Variants in MAP4K3 observed in about 807,000 individuals in gnomAD.
MAP4K3 encodes the protein MAPK/ERK kinase kinase kinase 3.
In MAP4K3, 94 loss-of-function variants were observed where a neutral mutation model predicts 143.5. That is an observed-to-expected ratio of 0.65 (90% CI 0.55 to 0.78). The LOEUF is 0.78. Ranked by LOEUF, MAP4K3 falls within the 30% of genes least tolerant of loss-of-function variation. MAP4K3 has a pLI of 0.00. For missense variants in MAP4K3, 1,077 were observed against 1,068.1 expected, an observed-to-expected ratio of 1.01 and a Z score of -0.12; for synonymous variants, 416 against 347.2, an observed-to-expected ratio of 1.20 and a Z score of -2.20.
At position 39,250,339 on chromosome 2, in the gene MAP4K3, C is replaced by A; in HGVS notation, c.*279G>T. ...TAAAAGTACATTATCTACATAAATT[C>A]TTAGTGTATGTCTTCAGCAATATGA... is the stretch of plus-strand genomic sequence containing the variant. On this transcript the variant is annotated 3_prime_UTR_variant, in exon 34 of 34. Transcript: ENST00000263881. 1 of 313,384 alleles carries A rather than the reference C, an allele frequency of 3.2e-6. No individual in the cohort carries two copies. The highest frequency in any genetic ancestry group is 4.6e-5 in the Admixed American group (1 of 21,910). The allele number at this position is 313,384 out of a possible 1,614,324, so 19.4% of individuals were successfully genotyped here.
chr2:39,385,038 T>C (rs1262334574), intron 1 of MAP4K3, among the ~76,000 whole-genome samples: 1 of 152,246 alleles, frequency 6.6e-6, no homozygotes, highest in Non-Finnish European at 1.5e-5. Context: ...TTGTTGCATA[T>C]ATCATTAGTT....
At chr2:39,395,745 A>G (rs915902205) in intron 1 of MAP4K3, among the ~76,000 whole-genome samples, 1 of 152,224 alleles carries the variant, frequency 6.6e-6, no homozygotes, top group African/African-American at 2.4e-5. Context: ...TCAAAGAATC[A>G]GACACTCAAA....
At chr2:39,347,706 G>C (rs1247737424) in intron 3 of MAP4K3, among the ~76,000 whole-genome samples, 15 of 151,720 alleles carry the variant, frequency 9.9e-5, no homozygotes, top group Non-Finnish European at 1.5e-5. Context: ...AATTGCTCCT[G>C]GAACTCGGTG....
chr2:39,375,763 C>T (rs540992351), intron 2 of MAP4K3, among the ~76,000 whole-genome samples: 20 of 152,282 alleles, frequency 1.3e-4, no homozygotes, highest in Admixed American at 8.5e-4. Flanking sequence ...TAGTCCACCT[C>T]GTCCCCAGCT....
At position 39,280,348 on chromosome 2, in the gene MAP4K3, T is replaced by C. The variant is rs1682944209; in HGVS notation, c.1638A>G (p.Ala546=). ...ACCCATTAAAAACTTTTGAAAAACATGCACCCATCTAGGGAAACAAAGAAT... is the reference window on the plus strand; with the variant it reads ...ACCCATTAAAAACTTTTGAAAAACACGCACCCATCTAGGGAAACAAAGAAT... ...LPPTPKVHMG[A]CFSKVFNGCP... Residue 546 remains alanine, a synonymous_variant, in exon 23 of 34, where the codon GCA becomes GCG. Transcript: ENST00000263881. 1 of 1,600,306 alleles carries C rather than the reference T, an allele frequency of 6.2e-7. No individual in the cohort carries two copies. The highest frequency in any genetic ancestry group is 8.5e-7 in the Non-Finnish European group (1 of 1,170,774).
At chr2:39,371,810 T>C (rs1469537102) in intron 2 of MAP4K3, among the ~76,000 whole-genome samples, 3 of 150,096 alleles carry the variant, frequency 2.0e-5, no homozygotes, top group Non-Finnish European at 4.5e-5. Flanking sequence ...ATCCTCTCTC[T>C]CTATATATAT....
chr2:39,288,346 T>C, intron 19 of MAP4K3, 66 bp from the exon 20 acceptor site: 1 of 1,419,260 alleles, frequency 7.0e-7, no homozygotes, highest in Non-Finnish European at 9.8e-7. Context: ...GTAAGTACTA[T>C]TATACATTAA....
At chr2:39,346,028 T>A (rs1450940959) in intron 3 of MAP4K3, among the ~76,000 whole-genome samples, 1 of 147,594 alleles carries the variant, frequency 6.8e-6, no homozygotes, top group East Asian at 2.1e-4. Flanking sequence ...AATTGAAGCA[T>A]ACAGCTGATA....
chr2:39,428,228 A>C (rs975717228), intron 1 of MAP4K3, among the ~76,000 whole-genome samples: 1 of 152,232 alleles, frequency 6.6e-6, no homozygotes, highest in African/African-American at 2.4e-5. Flanking sequence ...AGGATCTCCT[A>C]AACAACCTAG....
chr2:39,269,152 G>A (rs529279468), intron 26 of MAP4K3, among the ~76,000 whole-genome samples: 1 of 150,590 alleles, frequency 6.6e-6, no homozygotes, highest in Non-Finnish European at 1.5e-5. Flanking sequence ...ATATAAAATT[G>A]TACAGCACAT....
chr2:39,358,816 A>G (rs1376969774), intron 2 of MAP4K3, among the ~76,000 whole-genome samples: 1 of 152,228 alleles, frequency 6.6e-6, no homozygotes, highest in Non-Finnish European at 1.5e-5. Flanking sequence ...GTAGAGCAGC[A>G]GAGGGTAACT....
At chr2:39,351,475 TCTC>T (rs1236299687) in intron 3 of MAP4K3, among the ~76,000 whole-genome samples, 1 of 152,176 alleles carries the variant, frequency 6.6e-6, no homozygotes, top group Admixed American at 6.5e-5. Flanking sequence ...CATGCCTACT[TCTC>T]CTGTTAGATT....
At chr2:39,280,380 T>G in intron 22 of MAP4K3, 24 bp from the exon 23 acceptor site, 1 of 1,393,560 alleles carries the variant, frequency 7.2e-7, no homozygotes, top group Non-Finnish European at 1.0e-6. Flanking sequence ...GAATAACCAA[T>G]ATGAAACAGT....
chr2:39,424,178 A>G (rs1664986248), intron 1 of MAP4K3, among the ~76,000 whole-genome samples: 1 of 152,166 alleles, frequency 6.6e-6, no homozygotes. Flanking sequence ...TCCTGACCTC[A>G]GGTGATCCAC....
At chr2:39,415,668 T>C (rs1667348944) in intron 1 of MAP4K3, among the ~76,000 whole-genome samples, 1 of 151,840 alleles carries the variant, frequency 6.6e-6, no homozygotes, top group African/African-American at 2.4e-5. Context: ...AAAATAATTA[T>C]AGGCCAGGCA....
chr2:39,325,595 A>C lies in MAP4K3; in HGVS notation c.841T>G (p.Leu281Val). The C allele has an allele frequency of 6.2e-7, 1 of 1,613,332 alleles. No homozygotes were observed. The change falls in exon 12 of 34, where the codon TTG becomes GTG. Residue 281 changes from leucine to valine, a missense_variant. Physicochemically the swap from Leu to Val is conservative, Grantham distance 32. Coordinates refer to ENST00000263881, the MANE Select transcript of MAP4K3 (RefSeq NM_003618.4). ...PFVTQHLTRSLAIELLDKVNN... is the reference protein window; with the variant it reads ...PFVTQHLTRSVAIELLDKVNN... Reference sequence around the variant, plus strand: ...ACTTTATCCAACAGCTCGATTGCCAAAGACCGTGTCAAATGTTGTGTTACA... The same window carrying C: ...ACTTTATCCAACAGCTCGATTGCCACAGACCGTGTCAAATGTTGTGTTACA...
At chr2:39,288,302 G>C (rs1401346927) in intron 19 of MAP4K3, 22 bp from the exon 20 acceptor site, 1 of 1,602,184 alleles carries the variant, frequency 6.2e-7, no homozygotes. Flanking sequence ...TAGAAAAAGA[G>C]ACCAACAATG....
chr2:39,333,073 A>G (rs1683731482), intron 7 of MAP4K3, among the ~76,000 whole-genome samples: 1 of 152,152 alleles, frequency 6.6e-6, no homozygotes, highest in Admixed American at 6.6e-5. Context: ...TTACAAAATG[A>G]AATATGTTAC....
At chr2:39,415,985 A>ATATATATATATG (rs1667365059) in intron 1 of MAP4K3, among the ~76,000 whole-genome samples, 1 of 94,004 alleles carries the variant, frequency 1.1e-5, no homozygotes, top group African/African-American at 4.4e-5. Flanking sequence ...AAAAAAATAT[A>ATATATATATATG]TATATATATA....
Sources: allele counts gnomAD v4.1 joint callset (sites outside exome capture counted in the v4.1 genomes callset), GRCh38; gene constraint gnomAD v4.1.1; transcripts MANE v1.5; gene names NCBI Gene and HGNC (gene_info 2026-07-23, HGNC 2026-07-21).